OR6C74: variants seen among roughly 807,000 people sequenced by gnomAD.
The protein encoded by OR6C74 is olfactory receptor 6C74.
For synonymous variants in OR6C74, 142 were observed against 134.2 expected, an observed-to-expected ratio of 1.06 and a Z score of -0.40; for missense variants, 361 against 362.9, an observed-to-expected ratio of 0.99 and a Z score of 0.04.
intron 1 of OR6C74, among the ~76,000 whole-genome samples, chr12:55,245,091 T>C (rs1954262604): frequency 6.6e-6 from 1 of 152,152 alleles, no homozygotes; most frequent in Admixed American, 6.5e-5. Context: ...ATAATTTCTT[T>C]GTAAAGCTAT....
At chr12:55,246,237 AAG>A (rs1208642774) in intron 1 of OR6C74, among the ~76,000 whole-genome samples, 2 of 152,210 alleles carry the variant, frequency 1.3e-5, no homozygotes, top group African/African-American at 2.4e-5. Flanking sequence ...TGAACTAGAA[AAG>A]AGAGAGAGGA....
At position 55,247,563 on chromosome 12, in the gene OR6C74, C is replaced by A. The variant is rs759452003; in HGVS notation, c.276C>A (p.Tyr92Ter). The A allele has an allele frequency of 3.7e-6, 6 of 1,611,470 alleles. No individual in the cohort carries two copies. Among genetic ancestry groups the A allele is most frequent in the Non-Finnish European group, 5.1e-6 (6 of 1,179,688 alleles). ...CAACAGGTGATAAGACCATTTCTTA[C>A]AACGATTGTGCAGCACAGCTGTTTT... Reference protein sequence around the residue: ...SMATGDKTISYNDCAAQLFFT... With the variant: ...SMATGDKTIS The change falls in exon 2 of 2, where the codon TAC (tyrosine) becomes TAA (stop). Residue 92 changes from tyrosine (Y) to a stop codon, truncating the protein, a stop_gained. Coordinates refer to ENST00000343399, the MANE Select transcript of OR6C74 (RefSeq NM_001005490.2). LOFTEE classifies it low-confidence loss of function (END_TRUNC).
In OR6C74 at chr12:55,247,831, A is replaced by G. The variant is rs1954283786; in HGVS notation, c.544A>G (p.Ile182Val). ...TCATTTCTTCTGTGATGTTTCTCCT[A>G]TACTGCAGCTCTCTTGCACAGACAC... ...VDHFFCDVSP[I>V]LQLSCTDTDI... Residue 182 changes from isoleucine to valine, a missense_variant, in exon 2 of 2, where the codon ATA (isoleucine) becomes GTA (valine). Ile to Val is a conservative substitution (Grantham distance 29). Transcript: ENST00000343399. 6.2e-7 allele frequency: 1 copy of G among 1,613,992 alleles called. No individual in the cohort carries two copies. Among genetic ancestry groups the G allele is most frequent in the African/African-American group, 1.3e-5 (1 of 74,986 alleles).
At position 55,254,324 on chromosome 12, in the gene OR6C74, C is replaced by T. The variant is rs907231318; in HGVS notation, c.*6098C>T. Among the ~76,000 whole-genome samples, 4 of 152,048 alleles carry T rather than the reference C, an allele frequency of 2.6e-5. No individual in the cohort carries two copies. The highest frequency in any genetic ancestry group is 5.9e-5 in the Non-Finnish European group (4 of 67,988). On this transcript the variant is annotated 3_prime_UTR_variant, in exon 2 of 2. Coordinates refer to ENST00000343399, the MANE Select transcript of OR6C74 (RefSeq NM_001005490.2). Reference sequence around the variant, plus strand: ...TGTAAGTAAATTGCATACAATAAAGCTGTTCCATATTGCAATTCCTCTAAG... The same window carrying T: ...TGTAAGTAAATTGCATACAATAAAGTTGTTCCATATTGCAATTCCTCTAAG...
rs1954334864 is a variant in OR6C74, at chr12:55,255,106, A to G, written c.*6880A>G. Among the ~76,000 whole-genome samples the G allele has an allele frequency of 6.6e-6, 1 of 152,058 alleles. No individual in the cohort carries two copies. The highest frequency in any genetic ancestry group is 2.4e-5 in the African/African-American group (1 of 41,412). ...GGAGATTTGCTTCCTGACTAGGATT[A>G]TAAAATAGATGTCTCCCAGGGTGGC... On this transcript the variant is annotated 3_prime_UTR_variant, in exon 2 of 2. Transcript: ENST00000343399.
At position 55,248,419 on chromosome 12, in the gene OR6C74, GA is replaced by G; in HGVS notation, c.*194del. On this transcript the variant is annotated 3_prime_UTR_variant, in exon 2 of 2. Coordinates refer to ENST00000343399, the MANE Select transcript of OR6C74 (RefSeq NM_001005490.2). ...CCTCATGCTGAGATCACATAGAAAA[GA>G]TATTTCTTGGTTTTGGTCAAAATCA... 1 of 456,016 alleles carries G rather than the reference GA, an allele frequency of 2.2e-6. No individual in the cohort carries two copies. Among genetic ancestry groups the G allele is most frequent in the Non-Finnish European group, 3.8e-6 (1 of 261,636 alleles). The allele number at this position is 456,016 out of a possible 1,614,324, so 28.2% of individuals were successfully genotyped here.
rs1954331304 is a variant in OR6C74 at position 55,254,581 on chromosome 12, T to G, written c.*6355T>G. Reference sequence around the variant, plus strand: ...ATTTATTTAGGACAGTCATGGGAACTTCATGATTTGCTGATTATTGTATAA... The same window carrying G: ...ATTTATTTAGGACAGTCATGGGAACGTCATGATTTGCTGATTATTGTATAA... On this transcript the variant is annotated 3_prime_UTR_variant, in exon 2 of 2. Coordinates refer to ENST00000343399, the MANE Select transcript of OR6C74 (RefSeq NM_001005490.2). 2.6e-5 allele frequency among the ~76,000 whole-genome samples: 4 copies of G among 152,144 alleles called. No individual in the cohort carries two copies. The highest frequency in any genetic ancestry group is 6.6e-5 in the Admixed American group (1 of 15,260).
rs375899630 is a variant in OR6C74 at position 55,247,339 on chromosome 12, G to T, written c.52G>T (p.Asp18Tyr). The change falls in exon 2 of 2, where the codon GAT (aspartate) becomes TAT (tyrosine). Residue 18 changes from aspartate to tyrosine, a missense_variant. Transcript: ENST00000343399. ...ANFILLGLTD[D>Y]PQLQVIIFLL... ...CTTTATTCTTCTTGGACTGACAGAT[G>T]ATCCACAATTACAGGTGATTATTTT... is the stretch of plus-strand genomic sequence containing the variant. 2.5e-6 allele frequency: 4 copies of T among 1,612,214 alleles called. No homozygotes were observed. The highest frequency in any genetic ancestry group is 2.2e-5 in the South Asian group (2 of 90,964).
At position 55,247,923 on chromosome 12, in the gene OR6C74, G is replaced by A. The variant is rs771902011; in HGVS notation, c.636G>A (p.Val212=). The A allele has an allele frequency of 3.1e-6, 5 of 1,613,934 alleles. No homozygotes were observed. In the East Asian group the frequency reaches 1.1e-4, roughly 36 times the overall value. The change falls in exon 2 of 2, where the codon GTG becomes GTA. Residue 212 remains valine (V), a synonymous_variant. Transcript: ENST00000343399. ...CGCTCCTGGTTACACTGGTATTAGT[G>A]ATTCTCTCCTACACAAATATTATCA... ...ILTLLVTLVL[V]ILSYTNIIRT...
intron 1 of OR6C74, among the ~76,000 whole-genome samples, chr12:55,247,042 A>G (rs1381215689): frequency 2.6e-5 from 4 of 152,058 alleles, no homozygotes; most frequent in Non-Finnish European, 5.9e-5. Context: ...GATGCAACAT[A>G]TTATCCCTTC....
rs1292621211 is a variant in OR6C74, at chr12:55,253,467, A to G, written c.*5241A>G. Reference sequence around the variant, plus strand: ...TCTGTTTATTATCTCTTAGTGAGGGAGACCATATGGTTTTCCACTTGGCCC... The same window carrying G: ...TCTGTTTATTATCTCTTAGTGAGGGGGACCATATGGTTTTCCACTTGGCCC... On this transcript the variant is annotated 3_prime_UTR_variant, in exon 2 of 2. Transcript: ENST00000343399. Among the ~76,000 whole-genome samples, 1 of 152,056 alleles carries G rather than the reference A, an allele frequency of 6.6e-6. No homozygotes were observed. The highest frequency in any genetic ancestry group is 1.5e-5 in the Non-Finnish European group (1 of 67,974).
At chr12:55,246,618 G>T (rs1179937581) in intron 1 of OR6C74, among the ~76,000 whole-genome samples, 1 of 152,172 alleles carries the variant, frequency 6.6e-6, no homozygotes, top group Non-Finnish European at 1.5e-5. Flanking sequence ...GTTTATATCT[G>T]CTTGAGTAAA....
chr12:55,248,022 C>T lies in OR6C74; in HGVS notation c.735C>T (p.Val245=), dbSNP rs776449609. 11 of 1,613,904 alleles carry T rather than the reference C, an allele frequency of 6.8e-6. No individual in the cohort carries two copies. Among genetic ancestry groups the T allele is most frequent in the Admixed American group, 3.3e-5 (2 of 60,000 alleles). Residue 245 remains valine, a synonymous_variant, in exon 2 of 2, where the codon GTC becomes GTT. Coordinates refer to ENST00000343399, the MANE Select transcript of OR6C74 (RefSeq NM_001005490.2). The part of the protein sequence containing the change: ...AFSTCSSHMV[V]VSISYGSCIF... Reference sequence around the variant, plus strand: ...CTACATGTTCTTCCCACATGGTGGTCGTGTCCATTTCTTATGGCAGCTGCA... The same window carrying T: ...CTACATGTTCTTCCCACATGGTGGTTGTGTCCATTTCTTATGGCAGCTGCA...
In OR6C74 at chr12:55,247,946, T is replaced by G. The variant is rs1299007914; in HGVS notation, c.659T>G (p.Ile220Ser). 6.2e-7 allele frequency: 1 copy of G among 1,613,948 alleles called. No individual in the cohort carries two copies. Among genetic ancestry groups the G allele is most frequent in the Non-Finnish European group, 8.5e-7 (1 of 1,179,986 alleles). ...VLVILSYTNI[I>S]RTILKIPSSQ... Reference sequence around the variant, plus strand: ...GTGATTCTCTCCTACACAAATATTATCAGGACTATTCTGAAAATACCTTCT... The same window carrying G: ...GTGATTCTCTCCTACACAAATATTAGCAGGACTATTCTGAAAATACCTTCT... Residue 220 changes from isoleucine (I) to serine (S), a missense_variant, in exon 2 of 2, where the codon ATC (isoleucine) becomes AGC (serine). Physicochemically the swap from Ile to Ser is moderately radical, Grantham distance 142. Coordinates refer to ENST00000343399, the MANE Select transcript of OR6C74 (RefSeq NM_001005490.2).
rs1401647883 is a variant in OR6C74, at chr12:55,255,898, G to A, written c.*7672G>A. 6.6e-6 allele frequency among the ~76,000 whole-genome samples: 1 copy of A among 152,086 alleles called. No homozygotes were observed. The highest frequency in any genetic ancestry group is 1.5e-5 in the Non-Finnish European group (1 of 67,996). On this transcript the variant is annotated 3_prime_UTR_variant, in exon 2 of 2. Transcript: ENST00000343399. ...ATCAGTGGTTGCCAGGACTTTGTTG[G>A]AGTAAGGATTAAACGAGGAAGCATA...
rs1954260074 is a variant in OR6C74 at position 55,244,715 on chromosome 12, A to T, written c.-112A>T. ...ACACATATATGTATATATAGAAGAG[A>T]TATGATAAACATAGAGGTAGATATA... On this transcript the variant is annotated 5_prime_UTR_variant, in exon 1 of 2. Transcript: ENST00000343399. 1.4e-5 allele frequency among the ~76,000 whole-genome samples: 2 copies of T among 142,986 alleles called. No individual in the cohort carries two copies. The highest frequency in any genetic ancestry group is 1.4e-4 in the Admixed American group (2 of 14,456). The allele number at this position is 142,986 out of a possible 152,430, so 93.8% of individuals were successfully genotyped here.
Position 55,248,183 on chromosome 12 carries a change from T to C in OR6C74, c.896T>C (p.Phe299Ser). The C allele has an allele frequency of 6.2e-7, 1 of 1,612,892 alleles. No individual in the cohort carries two copies. Among genetic ancestry groups the C allele is most frequent in the South Asian group, 1.1e-5 (1 of 90,808 alleles). Reference sequence around the variant, plus strand: ...AGAAACAAACAAGTAAAAGATGTTTTTAAGCACACAGTCAAAAAGATTGAA... The same window carrying C: ...AGAAACAAACAAGTAAAAGATGTTTCTAAGCACACAGTCAAAAAGATTGAA... ...TLRNKQVKDV[F>S]KHTVKKIELF... is the part of the protein sequence containing the mutation. The change falls in exon 2 of 2, where the codon TTT becomes TCT. Residue 299 changes from phenylalanine (F) to serine (S), a missense_variant. Phe to Ser is a radical substitution (Grantham distance 155, BLOSUM62 -2). Transcript: ENST00000343399.
rs929110045 is a variant in OR6C74 at position 55,254,541 on chromosome 12, G to C, written c.*6315G>C. ...TTGTTTTCAGCACCAAGTGACATGA[G>C]GATTTAAGAGATAAATTTATTTAGG... On this transcript the variant is annotated 3_prime_UTR_variant, in exon 2 of 2. Transcript: ENST00000343399. Among the ~76,000 whole-genome samples the C allele has an allele frequency of 6.6e-5, 10 of 152,024 alleles. No homozygotes were observed. Among genetic ancestry groups the C allele is most frequent in the African/African-American group, 2.4e-4 (10 of 41,416 alleles).
rs1954331218 is a variant in OR6C74, at chr12:55,254,567, A to T, written c.*6341A>T. On this transcript the variant is annotated 3_prime_UTR_variant, in exon 2 of 2. Transcript: ENST00000343399. The stretch of plus-strand genomic sequence containing the variant: ...GATTTAAGAGATAAATTTATTTAGG[A>T]CAGTCATGGGAACTTCATGATTTGC... 6.6e-6 allele frequency among the ~76,000 whole-genome samples: 1 copy of T among 152,124 alleles called. No individual in the cohort carries two copies. The highest frequency in any genetic ancestry group is 1.5e-5 in the Non-Finnish European group (1 of 67,996).
Sources: allele counts gnomAD v4.1 joint callset (sites outside exome capture counted in the v4.1 genomes callset), GRCh38; gene constraint gnomAD v4.1.1; transcripts MANE v1.5; gene names NCBI Gene and HGNC (gene_info 2026-07-23, HGNC 2026-07-21).